PIAS2: variants seen among roughly 807,000 people sequenced by gnomAD.
PIAS2 encodes protein inhibitor of activated STAT 2, also known as E3 SUMO-protein ligase PIAS2.
In PIAS2, 19 loss-of-function variants were observed where a neutral mutation model predicts 69.7. That is an observed-to-expected ratio of 0.27 (90% CI 0.19 to 0.40). The LOEUF (loss-of-function observed/expected upper bound fraction) is 0.40, where lower values mean the gene tolerates loss of function less well. PIAS2 is among the 10% of genes least tolerant of loss of function. PIAS2 has a pLI of 1.00. For synonymous variants in PIAS2, 261 were observed against 263.2 expected (o/e 0.99, Z 0.08); for missense variants, 624 against 757.0 (o/e 0.82, Z 2.06).
At chr18:46,826,013 T>C (rs1393171634) in intron 11 of PIAS2, among the ~76,000 whole-genome samples, 1 of 152,204 alleles carries the variant, frequency 6.6e-6, no homozygotes, top group Non-Finnish European at 1.5e-5. Context: ...TTCTTAAGAG[T>C]TCTTCCGTGT....
intron 2 of PIAS2, among the ~76,000 whole-genome samples, chr18:46,881,716 G>A (rs1331014201): frequency 2.0e-5 from 3 of 152,146 alleles, no homozygotes; most frequent in Non-Finnish European, 4.4e-5. Flanking sequence ...CTATCTACTT[G>A]CTACTTATTT....
At chr18:46,867,792 G>C (rs1056901382) in intron 2 of PIAS2, among the ~76,000 whole-genome samples, 6 of 152,068 alleles carry the variant, frequency 3.9e-5, no homozygotes, top group Non-Finnish European at 2.9e-5. Flanking sequence ...ACCTCCCTTT[G>C]AATCTGAATG....
chr18:46,884,660 A>G (rs2052847162), intron 2 of PIAS2, among the ~76,000 whole-genome samples: 1 of 152,050 alleles, frequency 6.6e-6, no homozygotes, highest in South Asian at 2.1e-4. Context: ...TCACGCCTGT[A>G]ATCCCAGCAC....
chr18:46,893,381 A>C (rs1019378096), intron 1 of PIAS2: 18 of 617,678 alleles, frequency 2.9e-5, no homozygotes, highest in Non-Finnish European at 3.6e-5. Context: ...CTTCATTTTA[A>C]GGGAAGCTAT....
At chr18:46,855,302 T>C in intron 5 of PIAS2, 43 bp downstream of exon 5, 1 of 1,249,984 alleles carries the variant, frequency 8.0e-7, no homozygotes. Context: ...TCAGTGTTTA[T>C]ATTAAACTTA....
chr18:46,885,324 C>A (rs933474887), intron 2 of PIAS2, among the ~76,000 whole-genome samples: 1 of 151,950 alleles, frequency 6.6e-6, no homozygotes, highest in African/African-American at 2.4e-5. Context: ...CGAGACGAAC[C>A]TGGCCAACAT....
intron 1 of PIAS2, among the ~76,000 whole-genome samples, chr18:46,892,186 T>C (rs1015069795): frequency 6.6e-6 from 1 of 152,106 alleles, no homozygotes; most frequent in African/African-American, 2.4e-5. Context: ...ACTTTTTAAG[T>C]CTCAGGGACG....
intron 2 of PIAS2, among the ~76,000 whole-genome samples, chr18:46,889,372 A>G (rs2053709710): frequency 6.6e-6 from 1 of 152,192 alleles, no homozygotes; most frequent in Non-Finnish European, 1.5e-5. Flanking sequence ...TATACAGAGA[A>G]CTCCTAAAAC....
At chr18:46,896,681 C>A (rs1002249993) in intron 1 of PIAS2, among the ~76,000 whole-genome samples, 2 of 152,194 alleles carry the variant, frequency 1.3e-5, no homozygotes, top group East Asian at 3.8e-4. Context: ...TATGAAATGG[C>A]GGGCCTAGTA....
intron 8 of PIAS2, among the ~76,000 whole-genome samples, chr18:46,837,151 AG>A (rs1414449574): frequency 6.6e-6 from 1 of 152,172 alleles, no homozygotes; most frequent in East Asian, 1.9e-4. Flanking sequence ...TTGGATGGAA[AG>A]AAAAGTACAT....
chr18:46,881,804 A>C (rs1294494132), intron 2 of PIAS2, among the ~76,000 whole-genome samples: 11 of 152,226 alleles, frequency 7.2e-5, no homozygotes, highest in Admixed American at 7.2e-4. Context: ...CTCCACAATT[A>C]AGAATACACA....
At chr18:46,831,088 C>T (rs889183662) in intron 9 of PIAS2, among the ~76,000 whole-genome samples, 31 of 152,030 alleles carry the variant, frequency 2.0e-4, no homozygotes, top group African/African-American at 7.5e-4. Context: ...AAAAGGCATC[C>T]ACGTTAGAAA....
At chr18:46,859,548 G>A (rs1050061442) in intron 3 of PIAS2, among the ~76,000 whole-genome samples, 4 of 151,782 alleles carry the variant, frequency 2.6e-5, no homozygotes, top group South Asian at 2.1e-4. Flanking sequence ...ATGCCATTAA[G>A]GAAACGAGTA....
At chr18:46,813,494 AAG>A (rs2041190420) in intron 13 of PIAS2, among the ~76,000 whole-genome samples, 1 of 152,224 alleles carries the variant, frequency 6.6e-6, no homozygotes, top group African/African-American at 2.4e-5. Context: ...TTAGTAAAAC[AAG>A]AGGTCTAGTG....
At chr18:46,867,088 C>T (rs1236204402) in intron 2 of PIAS2, among the ~76,000 whole-genome samples, 2 of 151,180 alleles carry the variant, frequency 1.3e-5, no homozygotes, top group African/African-American at 2.4e-5. Context: ...TGCACATACG[C>T]AATATATATG....
chr18:46,876,509 T>C (rs913349296), intron 2 of PIAS2, among the ~76,000 whole-genome samples: 3 of 151,872 alleles, frequency 2.0e-5, no homozygotes, highest in African/African-American at 4.8e-5. Flanking sequence ...CTTCAGAAAA[T>C]AGAATAGCAT....
intron 2 of PIAS2, among the ~76,000 whole-genome samples, chr18:46,877,360 C>A (rs988500541): frequency 6.6e-6 from 1 of 152,142 alleles, no homozygotes; most frequent in East Asian, 1.9e-4. Flanking sequence ...TCTTTGTTCT[C>A]GAGATCAACT....
chr18:46,889,851 T>C (rs1194363537), intron 2 of PIAS2, among the ~76,000 whole-genome samples: 1 of 152,210 alleles, frequency 6.6e-6, no homozygotes, highest in Admixed American at 6.5e-5. Flanking sequence ...CAAAATGTGG[T>C]ATCCTATAAC....
At chr18:46,901,794 A>T (rs2055903125) in intron 1 of PIAS2, among the ~76,000 whole-genome samples, 1 of 152,214 alleles carries the variant, frequency 6.6e-6, no homozygotes, top group Non-Finnish European at 1.5e-5. Flanking sequence ...AAACAGGTCT[A>T]CCAAAAAAAT....
Sources: gnomAD v4.1 joint callset for allele counts (sites outside exome capture counted in the v4.1 genomes callset) on GRCh38, gnomAD v4.1.1 for gene constraint, MANE v1.5 for transcripts, NCBI Gene and HGNC (gene_info 2026-07-23, HGNC 2026-07-21) for gene names.